Variants in DPY19L4 observed in about 807,000 individuals in gnomAD.
The protein encoded by DPY19L4 is probable C-mannosyltransferase DPY19L4.
DPY19L4 carries 97 observed loss-of-function variants against 102.8 expected under a neutral mutation model. The ratio of observed to expected loss-of-function variants is 0.94; its 90% CI spans 0.80 to 1.12. The LOEUF is 1.12. Ranked by LOEUF, DPY19L4 falls within the 50% of genes most tolerant of loss-of-function variation. DPY19L4 has a pLI of 0.00. For synonymous variants in DPY19L4, 252 were observed against 283.1 expected, an observed-to-expected ratio of 0.89 and a Z score of 1.10; for missense variants, 815 against 850.4, an observed-to-expected ratio of 0.96 and a Z score of 0.52.
chr8:94,771,838 A>G (rs1586401634), intron 13 of DPY19L4, among the ~76,000 whole-genome samples: 2 of 152,096 alleles, frequency 1.3e-5, no homozygotes, highest in South Asian at 4.1e-4. Flanking sequence ...TCCTTACCTT[A>G]TTTCTTTTAT....
At chr8:94,740,896 C>G (rs1409219233) in intron 6 of DPY19L4, among the ~76,000 whole-genome samples, 1 of 152,162 alleles carries the variant, frequency 6.6e-6, no homozygotes, top group Non-Finnish European at 1.5e-5. Flanking sequence ...GCTGATTTAT[C>G]CAAATCAGGA....
At chr8:94,731,809 T>C (rs1488479505) in intron 2 of DPY19L4, among the ~76,000 whole-genome samples, 1 of 152,202 alleles carries the variant, frequency 6.6e-6, no homozygotes, top group Non-Finnish European at 1.5e-5. Flanking sequence ...TGGAGTGCAG[T>C]GGTGCGATCT....
chr8:94,792,681 C>A lies in DPY19L4; in HGVS notation c.*2771C>A, dbSNP rs1330550499. 2.6e-5 allele frequency: 4 copies of A among 152,224 alleles called. No individual in the cohort carries two copies. The highest frequency in any genetic ancestry group is 9.7e-5 in the African/African-American group (4 of 41,416). The allele number at this position is 152,224 out of a possible 1,614,324, so 9.4% of individuals were successfully genotyped here. A position where few individuals can be genotyped will look rare whatever the true frequency, so the allele number is the denominator to read the frequency against. ...ACCATCTTGGCTAACACGGTGAAAC[C>A]CCGTCTCTACTGAAAATACAAAAAA... On this transcript the variant is annotated 3_prime_UTR_variant, in exon 19 of 19. Transcript: ENST00000414645.
chr8:94,776,026 C>CTTTTTTTTTTTTTTTTT (rs1165180641), intron 13 of DPY19L4, among the ~76,000 whole-genome samples: 1 of 81,500 alleles, frequency 1.2e-5, no homozygotes, highest in Non-Finnish European at 2.2e-5. Flanking sequence ...ATTTTTAAAT[C>CTTTTTTTTTTTTTTTTT]TTTTTTTTTT....
At chr8:94,776,517 AG>A (rs940927778) in intron 13 of DPY19L4, among the ~76,000 whole-genome samples, 14 of 151,588 alleles carry the variant, frequency 9.2e-5, no homozygotes, top group African/African-American at 3.1e-4. Flanking sequence ...AAAAAAAAAA[AG>A]CAAAAATTAG....
chr8:94,781,243 A>T (rs1813420555), intron 16 of DPY19L4, 77 bp downstream of exon 16: 2 of 1,222,000 alleles, frequency 1.6e-6, no homozygotes, highest in African/African-American at 1.6e-5. Context: ...TTCACAGGAA[A>T]TAATAAATTA....
intron 6 of DPY19L4, among the ~76,000 whole-genome samples, chr8:94,745,248 A>G (rs999400302): frequency 6.6e-5 from 10 of 152,166 alleles, no homozygotes; most frequent in African/African-American, 2.2e-4. Flanking sequence ...GGGGGAAAAA[A>G]TCAGAGGTGA....
intron 13 of DPY19L4, among the ~76,000 whole-genome samples, chr8:94,771,245 A>T (rs1455062550): frequency 6.6e-6 from 1 of 152,224 alleles, no homozygotes; most frequent in South Asian, 2.1e-4. Flanking sequence ...TAATAAGTAG[A>T]TACATCCAAG....
At chr8:94,731,608 T>C (rs753518260) in intron 2 of DPY19L4, among the ~76,000 whole-genome samples, 1 of 151,866 alleles carries the variant, frequency 6.6e-6, no homozygotes, top group Non-Finnish European at 1.5e-5. Flanking sequence ...AGAGATGGGG[T>C]TTCACCATGT....
chr8:94,746,483 T>G (rs576244220), intron 6 of DPY19L4, among the ~76,000 whole-genome samples: 38 of 152,362 alleles, frequency 2.5e-4, no homozygotes, highest in African/African-American at 9.1e-4. Context: ...TACAAGGGAA[T>G]GTGCAGTCAT....
At chr8:94,758,384 C>T (rs1004843325) in intron 7 of DPY19L4, among the ~76,000 whole-genome samples, 7 of 152,138 alleles carry the variant, frequency 4.6e-5, no homozygotes, top group Non-Finnish European at 8.8e-5. Context: ...TTTACATATA[C>T]TGCTTTTGTG....
rs74578890 is a variant in DPY19L4, at chr8:94,724,020, C to T, written c.17-2311C>T. Among the ~76,000 whole-genome samples, 901 of 152,212 alleles carry T rather than the reference C, an allele frequency of 5.9e-3. 7 individuals are homozygous for T. Among genetic ancestry groups the T allele is most frequent in the African/African-American group, 0.02 (845 of 41,534 alleles). On this transcript the variant is annotated intron_variant, in intron 1 of 18. Coordinates refer to ENST00000414645, the MANE Select transcript of DPY19L4 (RefSeq NM_181787.3). The stretch of plus-strand genomic sequence containing the variant: ...AAATCATTTATGGACACAAAGAGAA[C>T]ATGTTTAATTAAAGTCCTGTAAAGC...
In DPY19L4 at chr8:94,777,653, TTG is replaced by T; in HGVS notation, c.1455-9_1455-8del. On this transcript the variant is annotated splice_polypyrimidine_tract_variant and intron_variant, in intron 13 of 18. Transcript: ENST00000414645. ...CAGGATGTCTCATGTATGACTCCAT[TTG>T]TGTTTTCTAGCTTGAAGTACATCTG... 1 of 1,610,018 alleles carries T rather than the reference TTG, an allele frequency of 6.2e-7. No individual in the cohort carries two copies. Among genetic ancestry groups the T allele is most frequent in the South Asian group, 1.1e-5 (1 of 90,246 alleles).
At chr8:94,763,254 CTTTTTTTT>C (rs374208413) in intron 8 of DPY19L4, among the ~76,000 whole-genome samples, 28 of 104,904 alleles carry the variant, frequency 2.7e-4, no homozygotes, top group African/African-American at 8.6e-4. Flanking sequence ...GCCAAGGTAT[CTTTTTTTT>C]TTTTTTTTTT....
In DPY19L4 at chr8:94,723,509, A is replaced by G. The variant is rs1222297537; in HGVS notation, c.17-2822A>G. 2.0e-5 allele frequency among the ~76,000 whole-genome samples: 3 copies of G among 152,016 alleles called. No individual in the cohort carries two copies. The East Asian group carries it at 5.8e-4, about 29-fold the overall frequency. The stretch of plus-strand genomic sequence containing the variant: ...AAAAGATAGTGAAAAGGAAACCTGA[A>G]TTACATCGCAGAGCTTTCCTGTCAG... On this transcript the variant is annotated intron_variant, in intron 1 of 18. Coordinates refer to ENST00000414645, the MANE Select transcript of DPY19L4 (RefSeq NM_181787.3).
rs116747510 is a variant in DPY19L4 at position 94,724,670 on chromosome 8, C to T, written c.17-1661C>T. Among the ~76,000 whole-genome samples the T allele has an allele frequency of 3.2e-3, 480 of 152,278 alleles. 6 individuals are homozygous for T. The highest frequency in any genetic ancestry group is 0.011 in the African/African-American group (448 of 41,546). ...GTAGCGCGATCTCGGGTCACTGCAGCTCCACCTACTGGGTTCAAGTGATTC... is the reference window on the plus strand; with the variant it reads ...GTAGCGCGATCTCGGGTCACTGCAGTTCCACCTACTGGGTTCAAGTGATTC... On this transcript the variant is annotated intron_variant, in intron 1 of 18. Coordinates refer to ENST00000414645, the MANE Select transcript of DPY19L4 (RefSeq NM_181787.3).
chr8:94,777,091 A>C (rs555600944), intron 13 of DPY19L4, among the ~76,000 whole-genome samples: 69 of 151,532 alleles, frequency 4.6e-4, no homozygotes, highest in African/African-American at 1.6e-3. Flanking sequence ...TTTTTAAGAC[A>C]GAGTCTCGCT....
At chr8:94,728,700 A>AT (rs1371037478) in intron 2 of DPY19L4, among the ~76,000 whole-genome samples, 3 of 152,118 alleles carry the variant, frequency 2.0e-5, no homozygotes, top group African/African-American at 4.8e-5. Flanking sequence ...TGACAATACT[A>AT]TTTTTTTCTA....
At chr8:94,764,390 C>CA (rs1416638612) in intron 8 of DPY19L4, among the ~76,000 whole-genome samples, 3 of 151,684 alleles carry the variant, frequency 2.0e-5, no homozygotes, top group African/African-American at 4.8e-5. Context: ...TCCTGACTAA[C>CA]ACGGTGAAAT....
Sources: allele counts gnomAD v4.1 joint callset (sites outside exome capture counted in the v4.1 genomes callset), GRCh38; gene constraint gnomAD v4.1.1; transcripts MANE v1.5; gene names NCBI Gene and HGNC (gene_info 2026-07-23, HGNC 2026-07-21).